Variants in MEGF11 observed in about 807,000 individuals in gnomAD.
The protein encoded by MEGF11 is multiple epidermal growth factor-like domains protein 11.
MEGF11 carries 126 observed loss-of-function variants against 146.6 expected under a neutral mutation model. The ratio of observed to expected loss-of-function variants is 0.86; its 90% CI spans 0.74 to 1.00. MEGF11 has a LOEUF of 1.00. Among genes scored for constraint, MEGF11 ranks in the 50% least tolerant of loss-of-function variants. The probability of loss-of-function intolerance (pLI) is 0.00; values close to 1 mark genes in which losing one functional copy is unlikely to be tolerated. For synonymous variants in MEGF11, 532 were observed against 583.4 expected (o/e 0.91, Z 1.27); for missense variants, 1,509 against 1,521.2 (o/e 0.99, Z 0.13).
At chr15:66,233,317 C>G (rs1048144557) in intron 1 of MEGF11, among the ~76,000 whole-genome samples, 1 of 152,178 alleles carries the variant, frequency 6.6e-6, no homozygotes. Context: ...CTCACTGCAA[C>G]CTCCGCCTCC....
chr15:65,938,291 A>AT (rs992137017), intron 10 of MEGF11, among the ~76,000 whole-genome samples: 12 of 152,258 alleles, frequency 7.9e-5, no homozygotes, highest in Admixed American at 3.3e-4. Flanking sequence ...CAAGGTGAAC[A>AT]TTCATTTGGA....
At chr15:66,119,529 G>T (rs966427140) in intron 3 of MEGF11, among the ~76,000 whole-genome samples, 1 of 152,156 alleles carries the variant, frequency 6.6e-6, no homozygotes, top group African/African-American at 2.4e-5. Flanking sequence ...GGCTTGAAGA[G>T]CCCACGGGGT....
At chr15:65,974,365 A>G (rs1302166053) in intron 7 of MEGF11, among the ~76,000 whole-genome samples, 1 of 152,118 alleles carries the variant, frequency 6.6e-6, no homozygotes, top group Non-Finnish European at 1.5e-5. Flanking sequence ...AGGGGAGAGA[A>G]GAGTCACTCA....
intron 5 of MEGF11, among the ~76,000 whole-genome samples, chr15:66,092,962 T>C (rs548271017): frequency 2.0e-5 from 3 of 152,324 alleles, no homozygotes; most frequent in Admixed American, 6.5e-5. Context: ...AGCCCAGACA[T>C]TTTACCCAGT....
intron 4 of MEGF11, among the ~76,000 whole-genome samples, chr15:66,101,853 A>T (rs907481895): frequency 3.3e-5 from 5 of 152,180 alleles, no homozygotes; most frequent in African/African-American, 9.7e-5. Context: ...GTGACTCTGC[A>T]TCAAAGCCTA....
At chr15:66,007,810 C>T (rs1339576844) in intron 5 of MEGF11, among the ~76,000 whole-genome samples, 1 of 152,156 alleles carries the variant, frequency 6.6e-6, no homozygotes, top group East Asian at 1.9e-4. Context: ...ACCCCTTCAC[C>T]CAGTCAGTGA....
At position 66,122,998 on chromosome 15, in the gene MEGF11, T is replaced by C. The variant is rs1238607300; in HGVS notation, c.200+901A>G. Among the ~76,000 whole-genome samples, 3 of 152,272 alleles carry C rather than the reference T, an allele frequency of 2.0e-5. No homozygotes were observed. The East Asian group carries it at 5.8e-4, about 29-fold the overall frequency. On this transcript the variant is annotated intron_variant, in intron 3 of 25. Transcript: ENST00000395614. ...CGGGGTTTCACTGTGTTAGCCAGGATGATCTCGTTCTCCTGACCTTGTGAT... is the reference window on the plus strand; with the variant it reads ...CGGGGTTTCACTGTGTTAGCCAGGACGATCTCGTTCTCCTGACCTTGTGAT...
chr15:66,016,037 A>C (rs2082873195), intron 5 of MEGF11, among the ~76,000 whole-genome samples: 1 of 152,036 alleles, frequency 6.6e-6, no homozygotes, highest in Non-Finnish European at 1.5e-5. Flanking sequence ...ACCCTTCCAC[A>C]TTCCTAGGTA....
chr15:66,148,747 G>A (rs2089460831), intron 1 of MEGF11, among the ~76,000 whole-genome samples: 1 of 152,180 alleles, frequency 6.6e-6, no homozygotes, highest in Non-Finnish European at 1.5e-5. Context: ...GGTGGAGAGG[G>A]AGTGGGTAGG....
chr15:65,964,901 C>T lies in MEGF11; in HGVS notation c.1112+7G>A. ...TTGTCCCGGGCTCGCCCATTCCCAG[C>T]TCATACCTGATGGTGTTGTCAGCGT... is the stretch of plus-strand genomic sequence containing the variant. On this transcript the variant is annotated splice_region_variant and intron_variant, in intron 9 of 25. Transcript: ENST00000395614. 6.5e-7 allele frequency: 1 copy of T among 1,544,384 alleles called. No individual in the cohort carries two copies. Among genetic ancestry groups the T allele is most frequent in the Non-Finnish European group, 8.8e-7 (1 of 1,140,496 alleles).
At chr15:66,005,047 T>C (rs2082479580) in intron 5 of MEGF11, among the ~76,000 whole-genome samples, 1 of 152,190 alleles carries the variant, frequency 6.6e-6, no homozygotes, top group African/African-American at 2.4e-5. Flanking sequence ...TGATCATGCC[T>C]GTGAATGGCC....
At chr15:65,974,269 A>C (rs2141632864) in intron 7 of MEGF11, among the ~76,000 whole-genome samples, 1 of 151,840 alleles carries the variant, frequency 6.6e-6, no homozygotes, top group South Asian at 2.1e-4. Flanking sequence ...AGGGGGGCTA[A>C]GAGGAGGGGC....
At chr15:66,195,015 G>A (rs949219116) in intron 1 of MEGF11, among the ~76,000 whole-genome samples, 73 of 146,744 alleles carry the variant, frequency 5.0e-4, no homozygotes, top group African/African-American at 1.6e-3. Context: ...CATTGTCCTT[G>A]AAAAAAAAAA....
At chr15:66,045,687 A>C (rs1055099310) in intron 5 of MEGF11, among the ~76,000 whole-genome samples, 2 of 152,196 alleles carry the variant, frequency 1.3e-5, no homozygotes, top group Non-Finnish European at 2.9e-5. Context: ...CTCAGTCTCT[A>C]ACAACTGCAG....
chr15:66,185,737 C>G (rs28398220), intron 1 of MEGF11, among the ~76,000 whole-genome samples: 17,161 of 152,154 alleles, frequency 0.11, 1,567 homozygotes, highest in African/African-American at 0.25. Context: ...CAGATGCCCA[C>G]CCAGCAGCCA....
chr15:66,140,612 A>C (rs969536881), intron 1 of MEGF11, among the ~76,000 whole-genome samples: 3 of 152,250 alleles, frequency 2.0e-5, no homozygotes, highest in Non-Finnish European at 4.4e-5. Flanking sequence ...GCCGTAATAC[A>C]TACAGGGACT....
At chr15:65,936,414 GA>G (rs1264995563) in intron 10 of MEGF11, among the ~76,000 whole-genome samples, 2 of 152,188 alleles carry the variant, frequency 1.3e-5, no homozygotes, top group Non-Finnish European at 2.9e-5. Context: ...ATGTTTAATT[GA>G]AATGAGATGT....
intron 5 of MEGF11, among the ~76,000 whole-genome samples, chr15:66,032,629 C>T (rs1451173313): frequency 6.6e-6 from 1 of 152,220 alleles, no homozygotes; most frequent in African/African-American, 2.4e-5. Context: ...CAAAGGCCAT[C>T]CTTGTTATAA....
At chr15:65,949,849 C>A (rs1364346695) in intron 10 of MEGF11, among the ~76,000 whole-genome samples, 1 of 152,162 alleles carries the variant, frequency 6.6e-6, no homozygotes, top group Non-Finnish European at 1.5e-5. Context: ...CTAGGTGAGG[C>A]CTTAATTAAG....
Sources: gnomAD v4.1 joint callset for allele counts (sites outside exome capture counted in the v4.1 genomes callset) on GRCh38, gnomAD v4.1.1 for gene constraint, MANE v1.5 for transcripts, NCBI Gene and HGNC (gene_info 2026-07-23, HGNC 2026-07-21) for gene names.